The following PRCD variants were observed in gnomAD, a reference collection of about 807,000 sequenced individuals.
The protein encoded by PRCD is photoreceptor disc component.
In PRCD, 12 loss-of-function variants were observed where a neutral mutation model predicts 10.1. That is an observed-to-expected ratio of 1.18 (90% confidence interval 0.76 to 1.92). PRCD has a LOEUF of 1.92. PRCD is among the 40% of genes most tolerant of loss of function. The pLI, the probability that PRCD is intolerant of heterozygous loss-of-function variation, is 0.00. For missense variants in PRCD, 61 were observed against 72.2 expected (o/e 0.84, Z 0.56); for synonymous variants, 31 against 26.2 (o/e 1.18, Z -0.56).
chr17:76,542,443 C>A, intron 2 of PRCD, 110 bp from the exon 3 acceptor site: 1 of 1,293,064 alleles, frequency 7.7e-7, no homozygotes, highest in South Asian at 1.2e-5. Flanking sequence ...TGGTCCTGCC[C>A]CTCAATATTG....
upstream of PRCD, chr17:76,538,528 T>C: frequency 2.1e-6 from 1 of 465,436 alleles, no homozygotes; most frequent in Non-Finnish European, 4.5e-6. Context: ...GCCGCTGCCC[T>C]GAATTCTAGC....
At chr17:76,529,884 C>T (rs1598200972) in intron 1 of PRCD, 6 of 985,254 alleles carry the variant, frequency 6.1e-6, no homozygotes, top group South Asian at 4.7e-5. Context: ...CCGAGGACTC[C>T]ACTCTCTTGG....
At position 76,530,212 on chromosome 17, in the gene PRCD, C is replaced by G. The variant is rs993405713; in HGVS notation, n.45+2379C>G. 6.6e-6 allele frequency among the ~76,000 whole-genome samples: 1 copy of G among 152,196 alleles called. No homozygotes were observed. The highest frequency in any genetic ancestry group is 2.4e-5 in the African/African-American group (1 of 41,448). On this transcript the variant is annotated intron_variant and non_coding_transcript_variant, in intron 1 of 4. Transcript: ENST00000397633. The surrounding 1 kb of genome is among the most constrained non-coding windows in gnomAD (Gnocchi z 6.1). ...GCTCCTCTCCTCCTTCCTACTCCAG[C>G]CCTGCCTCCGCCTCTCCATTCAGCT...
In PRCD at chr17:76,531,516, C is replaced by T. The variant is rs773740203; in HGVS notation, n.45+3683C>T. ...AGGGCGTGGGCTTTCCCCACAAGGG[C>T]GAGCACAGAGGACACCTTGTCGGGG... On this transcript the variant is annotated intron_variant and non_coding_transcript_variant, in intron 1 of 4. Coordinates refer to the PRCD transcript ENST00000397633. This position sits in a 1 kb window ranked among gnomAD's most constrained non-coding sequence, Gnocchi z 7.4. The T allele has an allele frequency of 2.9e-5, 47 of 1,613,854 alleles. No homozygotes were observed. The highest frequency in any genetic ancestry group is 3.7e-5 in the Non-Finnish European group (44 of 1,179,832).
At chr17:76,534,210 T>C (rs1441067375) in intron 1 of PRCD, among the ~76,000 whole-genome samples, 3 of 149,180 alleles carry the variant, frequency 2.0e-5, no homozygotes, top group African/African-American at 7.3e-5. Flanking sequence ...AGAATCTTAC[T>C]CTGTTGCCCA....
At chr17:76,551,103 A>G (rs1294635110) in intron 1 of PRCD, 1 of 152,240 alleles carries the variant, frequency 6.6e-6, no homozygotes, top group Non-Finnish European at 1.5e-5. Flanking sequence ...CCACGATGAA[A>G]CAGCTCGGGA....
Position 76,531,441 on chromosome 17 carries a change from A to G in PRCD, n.45+3608A>G. 1 of 1,595,372 alleles carries G rather than the reference A, an allele frequency of 6.3e-7. No individual in the cohort carries two copies. On this transcript the variant is annotated intron_variant and non_coding_transcript_variant, in intron 1 of 4. Transcript: ENST00000397633. The surrounding 1 kb of genome is among the most constrained non-coding windows in gnomAD (Gnocchi z 7.4). Reference sequence around the variant, plus strand: ...GACGCGTGGGCGGTGGGGGCTCTGCAGCAGATGGGGGCGCATACCTTGAAG... The same window carrying G: ...GACGCGTGGGCGGTGGGGGCTCTGCGGCAGATGGGGGCGCATACCTTGAAG...
chr17:76,549,709 G>A (rs2075088639), downstream of PRCD, among the ~76,000 whole-genome samples: 1 of 152,166 alleles, frequency 6.6e-6, no homozygotes, highest in Non-Finnish European at 1.5e-5. Flanking sequence ...AACACACTGA[G>A]ATATATAAAG....
chr17:76,531,670 C>A lies in PRCD; in HGVS notation n.45+3837C>A. The A allele has an allele frequency of 6.3e-7, 1 of 1,596,770 alleles. No homozygotes were observed. The highest frequency in any genetic ancestry group is 1.1e-5 in the South Asian group (1 of 90,666). ...TGAACTGGCTGAAGTACTGCTTGGC[C>A]GAGGGGAAGTTCACAAAGAACCTGG... On this transcript the variant is annotated intron_variant and non_coding_transcript_variant, in intron 1 of 4. Coordinates refer to the PRCD transcript ENST00000397633. This position sits in a 1 kb window ranked among gnomAD's most constrained non-coding sequence, Gnocchi z 7.4.
rs1331368663 is a variant in PRCD, at chr17:76,540,504, G to C, written c.75-1G>C. ...TTCCTCCCTACTCTTGCCTCCCACA[G>C]AGAGCCCAGCGACGTGGATGGGGCA... is the stretch of plus-strand genomic sequence containing the variant. On this transcript the variant is annotated splice_acceptor_variant, in intron 1 of 4. Coordinates refer to ENST00000592014, the MANE Select transcript of PRCD (RefSeq NM_001077620.3). LOFTEE classifies it high-confidence loss of function. This position sits in a 1 kb window ranked among gnomAD's most constrained non-coding sequence, Gnocchi z 5.0. 2 of 1,613,620 alleles carry C rather than the reference G, an allele frequency of 1.2e-6. No homozygotes were observed. The highest frequency in any genetic ancestry group is 1.7e-6 in the Non-Finnish European group (2 of 1,179,942).
chr17:76,543,685 C>A, intron 4 of PRCD, 118 bp from the exon 5 acceptor site: 6 of 452,790 alleles, frequency 1.3e-5, no homozygotes, highest in South Asian at 8.0e-5. Flanking sequence ...GGTTTGCTGG[C>A]CTGGCCAACT....
Position 76,540,840 on chromosome 17 carries a change from T to A in PRCD, c.143+267T>A, listed in dbSNP as rs2143147936. Among the ~76,000 whole-genome samples, 1 of 152,324 alleles carries A rather than the reference T, an allele frequency of 6.6e-6. No individual in the cohort carries two copies. The highest frequency in any genetic ancestry group is 1.9e-4 in the East Asian group (1 of 5,190). ...GCACGGGGCGGTCCCCCGGGGCACC[T>A]TCTGTCAGAAGGCACAGGGGAGTGG... On this transcript the variant is annotated intron_variant, in intron 2 of 4. Coordinates refer to ENST00000592014, the MANE Select transcript of PRCD (RefSeq NM_001077620.3). The surrounding 1 kb of genome is among the most constrained non-coding windows in gnomAD (Gnocchi z 5.0).
chr17:76,547,937 CAT>C (rs200216592), downstream of PRCD, among the ~76,000 whole-genome samples: 2,756 of 151,208 alleles, frequency 0.018, 81 homozygotes, highest in African/African-American at 0.061. Flanking sequence ...CATATACAAA[CAT>C]ATTCACACAC....
In PRCD at chr17:76,531,317, C is replaced by A. The variant is rs1360753915; in HGVS notation, n.45+3484C>A. 3 of 1,224,280 alleles carry A rather than the reference C, an allele frequency of 2.5e-6. No homozygotes were observed. The highest frequency in any genetic ancestry group is 2.4e-5 in the Admixed American group (1 of 41,798). The allele number at this position is 1,224,280 out of a possible 1,614,324, so 75.8% of individuals were successfully genotyped here. A position where few individuals can be genotyped will look rare whatever the true frequency, so the allele number is the denominator to read the frequency against. ...TTGCCCTGGACCCAGCCCCTCCATC[C>A]TGCTGCCGGGCACTGCCCCTCCCTC... On this transcript the variant is annotated intron_variant and non_coding_transcript_variant, in intron 1 of 4. Coordinates refer to the PRCD transcript ENST00000397633. This position sits in a 1 kb window ranked among gnomAD's most constrained non-coding sequence, Gnocchi z 7.4.
chr17:76,542,141 C>T (rs1182089719), intron 2 of PRCD, among the ~76,000 whole-genome samples: 4 of 152,150 alleles, frequency 2.6e-5, no homozygotes, highest in African/African-American at 7.2e-5. Flanking sequence ...GTGGCTAATG[C>T]GGGATGCTCA....
At position 76,540,670 on chromosome 17, in the gene PRCD, T is replaced by C; in HGVS notation, c.143+97T>C. ...GCACGTGTGTGCCTGTGCGCGCCTG[T>C]GCGTGCACCGTATCCTGGCCCTTGC... On this transcript the variant is annotated intron_variant, in intron 2 of 4. Transcript: ENST00000592014. The surrounding 1 kb of genome is among the most constrained non-coding windows in gnomAD (Gnocchi z 5.0). 1 of 1,227,854 alleles carries C rather than the reference T, an allele frequency of 8.1e-7. No individual in the cohort carries two copies. 76.1% of individuals were successfully genotyped at this position (1,227,854 alleles called of 1,614,324 possible).
chr17:76,534,475 G>T (rs1401270917), intron 1 of PRCD, among the ~76,000 whole-genome samples: 1 of 152,162 alleles, frequency 6.6e-6, no homozygotes, highest in South Asian at 2.1e-4. Context: ...CACGGTGCCC[G>T]GCCTGTTATT....
Position 76,540,259 on chromosome 17 carries a change from GGGGGCAT to G in PRCD, c.74+50_74+56del. 2 of 1,026,674 alleles carry G rather than the reference GGGGGCAT, an allele frequency of 1.9e-6. No homozygotes were observed. Among genetic ancestry groups the G allele is most frequent in the Non-Finnish European group, 3.0e-6 (2 of 672,852 alleles). The allele number at this position is 1,026,674 out of a possible 1,614,324, so 63.6% of individuals were successfully genotyped here. The stretch of plus-strand genomic sequence containing the variant: ...TATGGCTGGCGGTTGGTCGGGGGGG[GGGGGCAT>G]GGGGCTGGGCTGCCACCAAGCTGAA... On this transcript the variant is annotated intron_variant, in intron 1 of 4. Transcript: ENST00000592014. This position sits in a 1 kb window ranked among gnomAD's most constrained non-coding sequence, Gnocchi z 5.0.
At chr17:76,534,146 T>TCTCTCTCTCTCTCTCTCTCTCTCTC (rs2074885915) in intron 1 of PRCD, among the ~76,000 whole-genome samples, 1 of 128,902 alleles carries the variant, frequency 7.8e-6, no homozygotes, top group South Asian at 2.8e-4. Flanking sequence ...CTCTTTCTCT[T>TCTCTCTCTCTCTCTCTCTCTCTCTC]TCTCTCTCTC....
Sources: gnomAD v4.1 joint callset for allele counts (sites outside exome capture counted in the v4.1 genomes callset) on GRCh38, gnomAD v4.1.1 for gene constraint, Gnocchi (gnomAD v3.1) non-coding constraint, MANE v1.5 for transcripts, NCBI Gene and HGNC (gene_info 2026-07-23, HGNC 2026-07-21) for gene names.